PCDHGB2: variants seen among roughly 807,000 people sequenced by gnomAD.
The protein encoded by PCDHGB2 is protocadherin gamma-B2.
PCDHGB2 carries 55 observed loss-of-function variants against 59.3 expected under a neutral mutation model. That is an observed-to-expected ratio of 0.93 (90% CI 0.75 to 1.16). PCDHGB2 has a LOEUF of 1.16. PCDHGB2 is among the 50% of genes most tolerant of loss of function. PCDHGB2 has a pLI of 0.00. For missense variants in PCDHGB2, 1,228 were observed against 1,198.5 expected (o/e 1.02, Z -0.36); for synonymous variants, 516 against 512.0 (o/e 1.01, Z -0.11).
intron 1 of PCDHGB2, chr5:141,427,758 A>T: frequency 7.4e-7 from 1 of 1,345,378 alleles, no homozygotes; most frequent in Non-Finnish European, 1.1e-6. Context: ...CATCGTTACC[A>T]CTGACTTGGA....
chr5:141,452,830 T>A (rs2098749929), intron 1 of PCDHGB2, among the ~76,000 whole-genome samples: 1 of 152,166 alleles, frequency 6.6e-6, no homozygotes, highest in South Asian at 2.1e-4. Context: ...CAAAATCACT[T>A]GGTCCAGCCC....
intron 1 of PCDHGB2, chr5:141,393,452 G>A (rs189963623): frequency 6.2e-7 from 1 of 1,614,030 alleles, no homozygotes; most frequent in Non-Finnish European, 8.5e-7. Context: ...TGGTCCTCAC[G>A]GCCTCGGATG....
intron 1 of PCDHGB2, among the ~76,000 whole-genome samples, chr5:141,480,911 G>A (rs2154578422): frequency 6.6e-6 from 1 of 152,218 alleles, no homozygotes; most frequent in East Asian, 1.9e-4. Flanking sequence ...TGGGCATGGT[G>A]GCGCATACCT....
intron 1 of PCDHGB2, chr5:141,419,942 G>A: frequency 6.2e-7 from 1 of 1,614,070 alleles, no homozygotes. Context: ...CCTGGTGGTG[G>A]CCTTGGCCTT....
chr5:141,419,207 CCGGTTTTCGGACAGT>C, intron 1 of PCDHGB2: 5 of 1,613,998 alleles, frequency 3.1e-6, no homozygotes, highest in Non-Finnish European at 4.2e-6. Flanking sequence ...TGACAACGCG[CCGGTTTTCGGACAGT>C]CAGCCTACCT....
intron 1 of PCDHGB2, among the ~76,000 whole-genome samples, chr5:141,406,353 T>G (rs1380718525): frequency 6.6e-6 from 1 of 152,196 alleles, no homozygotes; most frequent in Admixed American, 6.5e-5. Context: ...CAGGTCATAC[T>G]ATGTTTGTAA....
chr5:141,501,304 C>T (rs1005430489), intron 2 of PCDHGB2, among the ~76,000 whole-genome samples: 104 of 151,340 alleles, frequency 6.9e-4, no homozygotes, highest in African/African-American at 2.2e-3. Flanking sequence ...CACACACACA[C>T]ACACACACAC....
rs1272109802 is a variant in PCDHGB2 at position 141,403,110 on chromosome 5, C to G, written c.2421+40554C>G. The G allele has an allele frequency of 6.2e-7, 1 of 1,614,084 alleles. No individual in the cohort carries two copies. The highest frequency in any genetic ancestry group is 1.7e-5 in the Admixed American group (1 of 60,032). The stretch of plus-strand genomic sequence containing the variant: ...GTGGGCAACATCTCCAAGGACCTGG[C>G]TCTGGAGCCCCGGGAGCTGGCGGAG... On this transcript the variant is annotated intron_variant, in intron 1 of 3. Transcript: ENST00000522605.
intron 1 of PCDHGB2, among the ~76,000 whole-genome samples, chr5:141,480,400 G>A (rs1364147575): frequency 6.8e-6 from 1 of 146,550 alleles, no homozygotes; most frequent in Non-Finnish European, 1.5e-5. Context: ...TGGCAATAGA[G>A]TGAGACCCTG....
At position 141,410,454 on chromosome 5, in the gene PCDHGB2, C is replaced by T. The variant is rs199849689; in HGVS notation, c.2421+47898C>T. 5,103 of 1,614,034 alleles carry T rather than the reference C, an allele frequency of 3.2e-3. 16 individuals are homozygous for T. Among genetic ancestry groups the T allele is most frequent in the Non-Finnish European group, 4.0e-3 (4,661 of 1,179,898 alleles). On this transcript the variant is annotated intron_variant, in intron 1 of 3. Transcript: ENST00000522605. ...TACAGTGAGGGGACTTTGCCTTATT[C>T]TTATAATCTGTGCATTGCACATACG... is the stretch of plus-strand genomic sequence containing the variant.
At position 141,490,208 on chromosome 5, in the gene PCDHGB2, G is replaced by A. The variant is rs745796427; in HGVS notation, c.2422-4599G>A. On this transcript the variant is annotated intron_variant, in intron 1 of 3. Coordinates refer to ENST00000522605, the MANE Select transcript of PCDHGB2 (RefSeq NM_018923.3). The surrounding 1 kb of genome is among the most constrained non-coding windows in gnomAD (Gnocchi z 5.4). ...TTCTATGAAATTCATGCAAGAGCCC[G>A]TGACCAGGGACAGCCTGCCATGGAG... 44 of 1,614,120 alleles carry A rather than the reference G, an allele frequency of 2.7e-5. No individual in the cohort carries two copies. The Admixed American group carries it at 4.5e-4, about 17-fold the overall frequency.
At position 141,393,888 on chromosome 5, in the gene PCDHGB2, A is replaced by T. The variant is rs371905513; in HGVS notation, c.2421+31332A>T. 2.5e-6 allele frequency: 4 copies of T among 1,613,898 alleles called. No homozygotes were observed. The highest frequency in any genetic ancestry group is 1.3e-5 in the African/African-American group (1 of 74,932). On this transcript the variant is annotated intron_variant, in intron 1 of 3. Transcript: ENST00000522605. ...GTCTTTGTTTAGCCCAGTGTTAGAAAATTCTCTTCCCGGGACAGTAATTGC... is the reference window on the plus strand; with the variant it reads ...GTCTTTGTTTAGCCCAGTGTTAGAATATTCTCTTCCCGGGACAGTAATTGC...
intron 2 of PCDHGB2, among the ~76,000 whole-genome samples, chr5:141,505,117 G>A (rs575627148): frequency 1.8e-4 from 27 of 152,226 alleles, no homozygotes; most frequent in African/African-American, 3.6e-4. Context: ...AGCCAAGATC[G>A]CGCCACTGCA....
In PCDHGB2 at chr5:141,485,062, C is replaced by T. The variant is rs2099606141; in HGVS notation, c.2422-9745C>T. 2.3e-6 allele frequency: 2 copies of T among 876,222 alleles called. No individual in the cohort carries two copies. Among genetic ancestry groups the T allele is most frequent in the Non-Finnish European group, 3.6e-6 (2 of 552,684 alleles). 54.3% of individuals were successfully genotyped at this position (876,222 alleles called of 1,614,324 possible). ...CCTTGCGGCGCCGGCCGAACCGCGCCAGAGCTGGCGCGGGGAAAGGGAGAT... is the reference window on the plus strand; with the variant it reads ...CCTTGCGGCGCCGGCCGAACCGCGCTAGAGCTGGCGCGGGGAAAGGGAGAT... On this transcript the variant is annotated intron_variant, in intron 1 of 3. Coordinates refer to ENST00000522605, the MANE Select transcript of PCDHGB2 (RefSeq NM_018923.3). The surrounding 1 kb of genome is among the most constrained non-coding windows in gnomAD (Gnocchi z 5.7).
chr5:141,391,882 A>C (rs2092435224), intron 1 of PCDHGB2: 1 of 152,226 alleles, frequency 6.6e-6, no homozygotes, highest in Middle Eastern at 3.2e-3. Flanking sequence ...CTTTGGTGAA[A>C]GGGATGGGAT....
rs1183407162 is a variant in PCDHGB2 at position 141,422,793 on chromosome 5, C to G, written c.2421+60237C>G. 3 of 1,614,110 alleles carry G rather than the reference C, an allele frequency of 1.9e-6. No individual in the cohort carries two copies. The South Asian group carries it at 3.3e-5, about 18-fold the overall frequency. On this transcript the variant is annotated intron_variant, in intron 1 of 3. Transcript: ENST00000522605. Reference sequence around the variant, plus strand: ...TTCTCTATGCCCTACAATCCTTCGACTATGAGCAGTTTCGAGACTTAGAAC... The same window carrying G: ...TTCTCTATGCCCTACAATCCTTCGAGTATGAGCAGTTTCGAGACTTAGAAC...
chr5:141,485,426 C>T lies in PCDHGB2; in HGVS notation c.2422-9381C>T. 6.2e-7 allele frequency: 1 copy of T among 1,614,158 alleles called. No individual in the cohort carries two copies. Among genetic ancestry groups the T allele is most frequent in the South Asian group, 1.1e-5 (1 of 91,078 alleles). ...TGTGGATTTGGACAGCGGAGCCCTGCTCATCAAGAACCCAATCGACCGAGA... is the reference window on the plus strand; with the variant it reads ...TGTGGATTTGGACAGCGGAGCCCTGTTCATCAAGAACCCAATCGACCGAGA... On this transcript the variant is annotated intron_variant, in intron 1 of 3. Transcript: ENST00000522605. The surrounding 1 kb of genome is among the most constrained non-coding windows in gnomAD (Gnocchi z 5.7).
intron 1 of PCDHGB2, chr5:141,384,672 G>A (rs1316537355): frequency 6.2e-7 from 1 of 1,614,086 alleles, no homozygotes; most frequent in Non-Finnish European, 8.5e-7. Flanking sequence ...TGACCAAGGT[G>A]GTGGCGGTGG....
chr5:141,486,091 G>A lies in PCDHGB2; in HGVS notation c.2422-8716G>A, dbSNP rs2099624256. On this transcript the variant is annotated intron_variant, in intron 1 of 3. Coordinates refer to ENST00000522605, the MANE Select transcript of PCDHGB2 (RefSeq NM_018923.3). This position sits in a 1 kb window ranked among gnomAD's most constrained non-coding sequence, Gnocchi z 5.0. ...CTACTGGAAAGCTTACTCTTTTGGGGCCCCTAGACTTTGAGAGTGAGAATT... is the reference window on the plus strand; with the variant it reads ...CTACTGGAAAGCTTACTCTTTTGGGACCCCTAGACTTTGAGAGTGAGAATT... 2 of 1,614,158 alleles carry A rather than the reference G, an allele frequency of 1.2e-6. No homozygotes were observed. Among genetic ancestry groups the A allele is most frequent in the Non-Finnish European group, 1.7e-6 (2 of 1,180,024 alleles).
Sources: allele counts gnomAD v4.1 joint callset (sites outside exome capture counted in the v4.1 genomes callset), GRCh38; gene constraint gnomAD v4.1.1; non-coding constraint Gnocchi (gnomAD v3.1); transcripts MANE v1.5; gene names NCBI Gene and HGNC (gene_info 2026-07-23, HGNC 2026-07-21).